MPHOSPH8: variants seen among roughly 807,000 people sequenced by gnomAD.
The protein encoded by MPHOSPH8 is M-phase phosphoprotein, mpp.
MPHOSPH8 carries 45 observed loss-of-function variants against 87.3 expected under a neutral mutation model. The observed-to-expected ratio is 0.52, with a 90% CI of 0.41 to 0.66. The LOEUF (loss-of-function observed/expected upper bound fraction) is 0.66, where lower values mean the gene tolerates loss of function less well. Among genes scored for constraint, MPHOSPH8 ranks in the 30% least tolerant of loss-of-function variants. The probability of loss-of-function intolerance (pLI) is 0.00; values close to 1 mark genes in which losing one functional copy is unlikely to be tolerated. For missense variants in MPHOSPH8, 883 were observed against 1,020.2 expected (o/e 0.87, Z 1.83); for synonymous variants, 366 against 376.9 (o/e 0.97, Z 0.33).
At chr13:19,671,158 T>C (rs1221764488) in intron 12 of MPHOSPH8, 48 bp from the exon 13 acceptor site, 1 of 1,595,770 alleles carries the variant, frequency 6.3e-7, no homozygotes. Flanking sequence ...TAAGGGCTTC[T>C]GGTGTAAGTT....
chr13:19,659,983 A>G (rs1477195175), intron 7 of MPHOSPH8, among the ~76,000 whole-genome samples: 1 of 116,830 alleles, frequency 8.6e-6, no homozygotes, highest in Non-Finnish European at 1.7e-5. Context: ...TTTTTTTGAG[A>G]CAGTGTCTCG....
At chr13:19,670,967 A>G (rs1478843296) in intron 12 of MPHOSPH8, 30 of 1,058,862 alleles carry the variant, frequency 2.8e-5, no homozygotes, top group Non-Finnish European at 3.8e-5. Flanking sequence ...CTAAAAATGC[A>G]CGCCACCACA....
intron 4 of MPHOSPH8, 129 bp downstream of exon 4, chr13:19,648,650 AATATG>A (rs1874694679): frequency 3.0e-6 from 1 of 333,992 alleles, no homozygotes; most frequent in African/African-American, 2.2e-5. Context: ...TTTCCTTTTT[AATATG>A]ATGAGGGATC....
chr13:19,636,515 G>C (rs181466951), intron 1 of MPHOSPH8, among the ~76,000 whole-genome samples: 1 of 148,842 alleles, frequency 6.7e-6, no homozygotes, highest in Admixed American at 6.7e-5. Flanking sequence ...CAGATTCTCT[G>C]TTGCCCAGGC....
intron 5 of MPHOSPH8, among the ~76,000 whole-genome samples, chr13:19,658,578 G>T (rs1875333994): frequency 6.6e-6 from 1 of 152,190 alleles, no homozygotes; most frequent in African/African-American, 2.4e-5. Flanking sequence ...CACATGCTGG[G>T]ATAGCTCACA....
At chr13:19,665,673 C>T (rs1213062727) in intron 9 of MPHOSPH8, among the ~76,000 whole-genome samples, 3 of 152,198 alleles carry the variant, frequency 2.0e-5, no homozygotes, top group Admixed American at 1.3e-4. Context: ...GGAGTGCCAC[C>T]GCTCCTGGAG....
At chr13:19,656,886 CTG>C (rs745391942) in intron 5 of MPHOSPH8, among the ~76,000 whole-genome samples, 5 of 148,742 alleles carry the variant, frequency 3.4e-5, no homozygotes, top group Non-Finnish European at 7.4e-5. Context: ...TCCTGGGAGA[CTG>C]TGGAGGGTGG....
At chr13:19,668,285 G>A in intron 10 of MPHOSPH8, 92 bp from the exon 11 acceptor site, 2 of 1,144,506 alleles carry the variant, frequency 1.7e-6, no homozygotes, top group Admixed American at 4.7e-5. Flanking sequence ...GTCTTTGTTT[G>A]GAAGGTTGGC....
chr13:19,650,030 A>G lies in MPHOSPH8; in HGVS notation c.1346A>G (p.Asp449Gly). Residue 449 changes from aspartate to glycine, a missense_variant, in exon 5 of 14, where the codon GAT (aspartate) becomes GGT (glycine). This residue lies in a region of MPHOSPH8 where 741 missense variants were observed against 841.5 expected (regional missense o/e 0.88). Transcript: ENST00000361479. ...KTLKEIRNAF[D>G]LFKLTPEEKN... The stretch of plus-strand genomic sequence containing the variant: ...CTTAAGGAAATCAGAAATGCATTTG[A>G]TTTATTTAAATTAACTCCAGAAGAA... 1 of 1,598,654 alleles carries G rather than the reference A, an allele frequency of 6.3e-7. No homozygotes were observed. Among genetic ancestry groups the G allele is most frequent in the South Asian group, 1.1e-5 (1 of 88,618 alleles).
chr13:19,642,155 C>T lies in MPHOSPH8; in HGVS notation c.254C>T (p.Ser85Leu), dbSNP rs377735940. The change falls in exon 2 of 14, where the codon TCG becomes TTG. Residue 85 changes from serine (S) to leucine (L), a missense_variant. Physicochemically the swap from Ser to Leu is moderately radical, Grantham distance 145. Transcript: ENST00000361479. The stretch of plus-strand genomic sequence containing the variant: ...AAAGTTCGCTGGAAAGGCTATACAT[C>T]GGATGATGATACCTGGGAGCCCGAG... The part of the protein sequence containing the change: ...LYKVRWKGYT[S>L]DDDTWEPEIH... 2.5e-6 allele frequency: 4 copies of T among 1,604,290 alleles called. No individual in the cohort carries two copies. Among genetic ancestry groups the T allele is most frequent in the South Asian group, 2.2e-5 (2 of 90,114 alleles).
chr13:19,636,092 A>C (rs904821754), intron 1 of MPHOSPH8, among the ~76,000 whole-genome samples: 1 of 152,180 alleles, frequency 6.6e-6, no homozygotes, highest in African/African-American at 2.4e-5. Flanking sequence ...TCTTTCCTTT[A>C]TAAATTACCC....
intron 2 of MPHOSPH8, among the ~76,000 whole-genome samples, chr13:19,645,767 C>T (rs1438168344): frequency 1.3e-5 from 2 of 150,278 alleles, no homozygotes; most frequent in Non-Finnish European, 3.0e-5. Context: ...AAAAAGCTAT[C>T]GTTTCCATCC....
chr13:19,657,839 G>T (rs1268426557), intron 5 of MPHOSPH8, among the ~76,000 whole-genome samples: 1 of 152,108 alleles, frequency 6.6e-6, no homozygotes, highest in Non-Finnish European at 1.5e-5. Context: ...TGGGTCATGG[G>T]GCATAGCAGG....
At chr13:19,646,198 G>A (rs575314572) in intron 2 of MPHOSPH8, among the ~76,000 whole-genome samples, 8 of 152,202 alleles carry the variant, frequency 5.3e-5, no homozygotes, top group South Asian at 4.1e-4. Flanking sequence ...TGGGTTGGGC[G>A]CTCAGCAGCA....
rs1484565739 is a variant in MPHOSPH8 at position 19,648,458 on chromosome 13, T to C, written c.1255T>C (p.Tyr419His). 5 of 1,588,650 alleles carry C rather than the reference T, an allele frequency of 3.1e-6. No homozygotes were observed. The African/African-American group carries it at 5.4e-5, about 17-fold the overall frequency. ...CAAAAGAAATGAATCCAAAGAAAAATATCAGAAAAGGCATGATTCTGACAA... is the reference window on the plus strand; with the variant it reads ...CAAAAGAAATGAATCCAAAGAAAAACATCAGAAAAGGCATGATTCTGACAA... Reference protein sequence around the residue: ...ETKRNESKEKYQKRHDSDKEE... With the variant: ...ETKRNESKEKHQKRHDSDKEE... Residue 419 changes from tyrosine (Y) to histidine (H), a missense_variant, in exon 4 of 14, where the codon TAT (tyrosine) becomes CAT (histidine). Transcript: ENST00000361479.
In MPHOSPH8 at chr13:19,668,545, T is replaced by C. The variant is rs1185808206; in HGVS notation, c.2329+14T>C. 2 of 1,608,372 alleles carry C rather than the reference T, an allele frequency of 1.2e-6. No homozygotes were observed. The highest frequency in any genetic ancestry group is 1.1e-5 in the South Asian group (1 of 89,858). ...ACATACCAGAAGGTAAGCCGATGCC[T>C]CCCTTCACACTTTTCTATGTGAAGT... is the stretch of plus-strand genomic sequence containing the variant. On this transcript the variant is annotated intron_variant, in intron 11 of 13. Coordinates refer to ENST00000361479, the MANE Select transcript of MPHOSPH8 (RefSeq NM_017520.4).
chr13:19,665,553 A>G (rs1164700913), intron 9 of MPHOSPH8, among the ~76,000 whole-genome samples: 4 of 152,150 alleles, frequency 2.6e-5, no homozygotes, highest in Non-Finnish European at 5.9e-5. Context: ...GGTAACAACC[A>G]GAAAGGTCTC....
At chr13:19,656,177 G>GCTAA (rs921924978) in intron 5 of MPHOSPH8, among the ~76,000 whole-genome samples, 3 of 149,368 alleles carry the variant, frequency 2.0e-5, no homozygotes, top group Non-Finnish European at 3.0e-5. Context: ...TACTCAGGAA[G>GCTAA]CTAAGGTAGG....
chr13:19,662,849 A>G (rs1479730856), intron 8 of MPHOSPH8, among the ~76,000 whole-genome samples, 191 bp from the exon 9 acceptor site: 1 of 152,240 alleles, frequency 6.6e-6, no homozygotes, highest in African/African-American at 2.4e-5. Context: ...CTGGCAGCAC[A>G]GTGAGTGGCC....
Sources: gnomAD v4.1 joint callset for allele counts (sites outside exome capture counted in the v4.1 genomes callset) on GRCh38, gnomAD v4.1.1 for gene constraint, gnomAD v4.1.1 regional missense constraint, MANE v1.5 for transcripts, NCBI Gene and HGNC (gene_info 2026-07-23, HGNC 2026-07-21) for gene names.